Variants in CABIN1 observed in about 807,000 individuals in gnomAD.
CABIN1 encodes the protein calcineurin binding protein 1.
CABIN1 carries 133 observed loss-of-function variants against 227.7 expected under a neutral mutation model. The observed-to-expected ratio is 0.58, with a 90% CI of 0.51 to 0.67. The LOEUF is 0.67. Among genes scored for constraint, CABIN1 ranks in the 30% least tolerant of loss-of-function variants. CABIN1 has a pLI of 0.00. For missense variants in CABIN1, 2,408 were observed against 2,852.5 expected (o/e 0.84, Z 3.55); for synonymous variants, 1,086 against 1,155.1 (o/e 0.94, Z 1.21).
chr22:24,105,664 A>G (rs572917139), intron 26 of CABIN1, among the ~76,000 whole-genome samples: 41 of 152,194 alleles, frequency 2.7e-4, no homozygotes, highest in African/African-American at 9.9e-4. Flanking sequence ...CCAGCCCCAT[A>G]GGAAGTTTAG....
intron 26 of CABIN1, among the ~76,000 whole-genome samples, chr22:24,100,501 T>G (rs2042140538): frequency 6.6e-6 from 1 of 152,210 alleles, no homozygotes; most frequent in Non-Finnish European, 1.5e-5. Context: ...TGTTCCTGCT[T>G]CTCCTTCCTG....
chr22:24,141,843 T>C (rs887675687), intron 29 of CABIN1, among the ~76,000 whole-genome samples: 1 of 152,166 alleles, frequency 6.6e-6, no homozygotes, highest in African/African-American at 2.4e-5. Flanking sequence ...GGTACAGTCA[T>C]CATGAGCTGT....
At chr22:24,060,257 A>C in intron 12 of CABIN1, 116 bp downstream of exon 12, 2 of 1,041,970 alleles carry the variant, frequency 1.9e-6, no homozygotes, top group East Asian at 5.2e-5. Flanking sequence ...GTGGGCCTGG[A>C]ACCTGGTTTT....
intron 1 of CABIN1, among the ~76,000 whole-genome samples, chr22:24,031,683 G>A (rs1423351394): frequency 9.2e-5 from 14 of 152,224 alleles, no homozygotes; most frequent in Non-Finnish European, 1.6e-4. Context: ...ACAGAGCCCA[G>A]TGGGTGAGCA....
chr22:24,167,914 A>G lies in CABIN1; in HGVS notation c.5683-533A>G, dbSNP rs1394125915. On this transcript the variant is annotated intron_variant, in intron 32 of 36. Transcript: ENST00000263119. ...CTTGACACAGCATGGGGCTATCACC[A>G]TCAGGCCTGGGATTCCGAAAGGCCT... Among the ~76,000 whole-genome samples the G allele has an allele frequency of 1.6e-4, 25 of 152,132 alleles. 1 individual carries two copies. The highest frequency in any genetic ancestry group is 1.6e-3 in the Admixed American group (25 of 15,278).
At chr22:24,130,179 A>G (rs1211083721) in intron 28 of CABIN1, among the ~76,000 whole-genome samples, 3 of 152,218 alleles carry the variant, frequency 2.0e-5, no homozygotes, top group Admixed American at 6.5e-5. Context: ...AAGTGGCTCC[A>G]TGGGCCTCCT....
chr22:24,074,584 G>A (rs1164495657), intron 18 of CABIN1, among the ~76,000 whole-genome samples: 1 of 152,176 alleles, frequency 6.6e-6, no homozygotes, highest in East Asian at 1.9e-4. Context: ...TGCAGACTGA[G>A]CTGAGGGAAG....
At chr22:24,175,402 G>A (rs2047048250) in intron 34 of CABIN1, among the ~76,000 whole-genome samples, 1 of 152,228 alleles carries the variant, frequency 6.6e-6, no homozygotes, top group South Asian at 2.1e-4. Flanking sequence ...GCAGAGGAGC[G>A]GGATGGGGAG....
At chr22:24,018,312 T>G (rs1453863138) in intron 1 of CABIN1, among the ~76,000 whole-genome samples, 1 of 152,230 alleles carries the variant, frequency 6.6e-6, no homozygotes, top group Non-Finnish European at 1.5e-5. Flanking sequence ...AATTTTTATG[T>G]AGTTAAATGT....
chr22:24,083,890 T>C (rs1041382934), intron 20 of CABIN1, among the ~76,000 whole-genome samples: 2 of 152,232 alleles, frequency 1.3e-5, no homozygotes, highest in African/African-American at 4.8e-5. Flanking sequence ...GTTGTTTTGG[T>C]TTTTAGAGCG....
intron 10 of CABIN1, among the ~76,000 whole-genome samples, chr22:24,056,905 C>T (rs1424366970): frequency 1.3e-5 from 2 of 151,806 alleles, no homozygotes; most frequent in African/African-American, 4.8e-5. Flanking sequence ...GACTTGGTCC[C>T]CAGTGCTTCT....
chr22:24,081,989 T>G (rs528591467), intron 19 of CABIN1, among the ~76,000 whole-genome samples: 1 of 152,104 alleles, frequency 6.6e-6, no homozygotes, highest in African/African-American at 2.4e-5. Flanking sequence ...ATTGTTCCAC[T>G]GCACTCCAGC....
intron 19 of CABIN1, among the ~76,000 whole-genome samples, chr22:24,082,304 G>A (rs574559212): frequency 2.0e-5 from 3 of 151,918 alleles, no homozygotes; most frequent in Non-Finnish European, 4.4e-5. Context: ...TGCCCAGGCT[G>A]GTTTCAGTCT....
intron 29 of CABIN1, among the ~76,000 whole-genome samples, chr22:24,145,253 C>T (rs916549519): frequency 3.3e-5 from 5 of 152,164 alleles, no homozygotes; most frequent in African/African-American, 4.8e-5. Context: ...GCACTAGCTG[C>T]CCTGAATGCA....
chr22:24,069,575 G>A (rs2039942540), intron 16 of CABIN1, among the ~76,000 whole-genome samples: 2 of 152,148 alleles, frequency 1.3e-5, no homozygotes, highest in South Asian at 2.1e-4. Context: ...TATCATGCTG[G>A]AAAATAATCC....
At chr22:24,118,502 C>T (rs951845135) in intron 27 of CABIN1, among the ~76,000 whole-genome samples, 2 of 152,168 alleles carry the variant, frequency 1.3e-5, no homozygotes, top group Non-Finnish European at 1.5e-5. Context: ...CCATCGCATA[C>T]CACCTCAGAG....
At chr22:24,080,471 T>C (rs2040736146) in intron 19 of CABIN1, among the ~76,000 whole-genome samples, 1 of 152,226 alleles carries the variant, frequency 6.6e-6, no homozygotes, top group Non-Finnish European at 1.5e-5. Flanking sequence ...ACCTCACAGA[T>C]TAATTTGCAA....
chr22:24,153,928 C>G (rs1253520977), intron 29 of CABIN1, among the ~76,000 whole-genome samples: 10 of 152,228 alleles, frequency 6.6e-5, no homozygotes, highest in Admixed American at 6.5e-4. Flanking sequence ...CCAGCCCATT[C>G]TGAGCCTCAG....
chr22:24,161,564 A>G (rs2046154916), intron 29 of CABIN1, among the ~76,000 whole-genome samples: 1 of 152,000 alleles, frequency 6.6e-6, no homozygotes, highest in Admixed American at 6.5e-5. Flanking sequence ...CTGCCCATCT[A>G]TGATCCTGCC....
Sources: allele counts gnomAD v4.1 joint callset (sites outside exome capture counted in the v4.1 genomes callset), GRCh38; gene constraint gnomAD v4.1.1; transcripts MANE v1.5; gene names NCBI Gene and HGNC (gene_info 2026-07-23, HGNC 2026-07-21).